The following ADAMTSL1 variants were observed in gnomAD, a reference collection of about 807,000 sequenced individuals.
ADAMTSL1 encodes ADAMTS like 1.
A neutral mutation model predicts 201.8 loss-of-function variants in ADAMTSL1; 126 were observed. That is an observed-to-expected ratio of 0.62 (90% CI 0.54 to 0.72). The LOEUF (loss-of-function observed/expected upper bound fraction) is 0.72. Among genes scored for constraint, ADAMTSL1 ranks in the 30% least tolerant of loss-of-function variants. The pLI is 0.00. For missense variants in ADAMTSL1, 2,679 were observed against 2,277.8 expected (o/e 1.18, Z -3.59); for synonymous variants, 1,121 against 903.4 (o/e 1.24, Z -4.32).
intron 22 of ADAMTSL1, 57 bp downstream of exon 22, chr9:18,826,520 C>A: frequency 6.4e-7 from 1 of 1,555,490 alleles, no homozygotes. Context: ...GACTATCTAA[C>A]CCACCCTCTA....
At chr9:17,910,865 C>T (rs1825886262) in intron 1 of ADAMTSL1, among the ~76,000 whole-genome samples, 1 of 68,652 alleles carries the variant, frequency 1.5e-5, no homozygotes, top group African/African-American at 2.9e-5. Flanking sequence ...ATTCTATGAT[C>T]GATAGCCAGT....
At chr9:18,789,763 G>A (rs1473976211) in intron 19 of ADAMTSL1, among the ~76,000 whole-genome samples, 1 of 152,082 alleles carries the variant, frequency 6.6e-6, no homozygotes, top group East Asian at 1.9e-4. Context: ...AGGAGGAGGA[G>A]CCTGTCTTTA....
At chr9:18,409,402 AAAG>A (rs1376358183) in intron 2 of ADAMTSL1, among the ~76,000 whole-genome samples, 1 of 150,282 alleles carries the variant, frequency 6.7e-6, no homozygotes, top group African/African-American at 2.4e-5. Context: ...AAAAAAAAAA[AAAG>A]AAAAAGAAAA....
chr9:18,177,681 G>C (rs1005760057), intron 2 of ADAMTSL1, among the ~76,000 whole-genome samples: 1 of 152,182 alleles, frequency 6.6e-6, no homozygotes, highest in Non-Finnish European at 1.5e-5. Context: ...AAGAGGAAAG[G>C]ACAAATGGAG....
intron 21 of ADAMTSL1, among the ~76,000 whole-genome samples, chr9:18,819,834 C>T (rs1824098951): frequency 6.6e-6 from 1 of 152,220 alleles, no homozygotes; most frequent in African/African-American, 2.4e-5. Flanking sequence ...AAAGAGCCTG[C>T]TTATAATTAC....
chr9:18,753,479 C>A lies in ADAMTSL1; in HGVS notation c.2188C>A (p.Pro730Thr). ...AGCTTGTAACCGCTTTAATTGCCCC[C>A]CAGCCTGGTACCCTGCACAGTGGCA... Reference protein sequence around the residue: ...VQACNRFNCPPAWYPAQWQPC... With the variant: ...VQACNRFNCPTAWYPAQWQPC... The change falls in exon 16 of 29, where the codon CCA (proline) becomes ACA (threonine). Residue 730 changes from proline (P) to threonine (T), a missense_variant. Transcript: ENST00000380548. 5.6e-6 allele frequency: 9 copies of A among 1,612,928 alleles called. No individual in the cohort carries two copies. The highest frequency in any genetic ancestry group is 7.6e-6 in the Non-Finnish European group (9 of 1,179,724).
At chr9:18,787,840 T>C (rs554048221) in intron 19 of ADAMTSL1, among the ~76,000 whole-genome samples, 1 of 152,240 alleles carries the variant, frequency 6.6e-6, no homozygotes, top group South Asian at 2.1e-4. Flanking sequence ...GGATAGGAAA[T>C]CCAGTCAGTC....
chr9:18,327,245 C>T (rs1425217384), intron 2 of ADAMTSL1, among the ~76,000 whole-genome samples: 1 of 152,198 alleles, frequency 6.6e-6, no homozygotes, highest in Admixed American at 6.5e-5. Flanking sequence ...TCAACTGAAA[C>T]ATAAATAGAA....
At chr9:18,298,056 T>C (rs376385916) in intron 2 of ADAMTSL1, among the ~76,000 whole-genome samples, 6 of 152,324 alleles carry the variant, frequency 3.9e-5, no homozygotes, top group Admixed American at 2.6e-4. Context: ...TGCTAACCCA[T>C]TGTTTGTCAA....
chr9:18,512,630 C>G (rs1225646352), intron 2 of ADAMTSL1, among the ~76,000 whole-genome samples: 2 of 152,060 alleles, frequency 1.3e-5, no homozygotes, highest in Non-Finnish European at 2.9e-5. Context: ...TATTAATTTG[C>G]CTCTGAGTTT....
At chr9:18,903,188 A>G (rs1830107476) in intron 26 of ADAMTSL1, among the ~76,000 whole-genome samples, 1 of 152,214 alleles carries the variant, frequency 6.6e-6, no homozygotes, top group Non-Finnish European at 1.5e-5. Context: ...ATTCTGTCTC[A>G]AAACAAAAAC....
chr9:18,326,887 GC>G (rs1251761647), intron 2 of ADAMTSL1, among the ~76,000 whole-genome samples: 1 of 152,154 alleles, frequency 6.6e-6, no homozygotes, highest in Non-Finnish European at 1.5e-5. Flanking sequence ...ATGACCTGTT[GC>G]TTGCAACTGG....
intron 13 of ADAMTSL1, 66 bp downstream of exon 13, chr9:18,684,866 A>C: frequency 6.5e-7 from 1 of 1,541,976 alleles, no homozygotes; most frequent in Non-Finnish European, 8.8e-7. Flanking sequence ...GCAGTGTCTC[A>C]CTGGTTGTAG....
intron 2 of ADAMTSL1, among the ~76,000 whole-genome samples, chr9:18,276,743 G>A (rs1832603551): frequency 6.6e-6 from 1 of 152,126 alleles, no homozygotes. Context: ...GAGGTGCCAA[G>A]TTATTTTAAA....
At chr9:18,875,797 T>G (rs546835662) in intron 23 of ADAMTSL1, among the ~76,000 whole-genome samples, 2 of 151,912 alleles carry the variant, frequency 1.3e-5, no homozygotes, top group African/African-American at 4.8e-5. Context: ...AGTTTATTGT[T>G]TCTTTGTTGA....
In ADAMTSL1 at chr9:18,777,173, G is replaced by T. The variant is rs375369185; in HGVS notation, c.2944G>T (p.Ala982Ser). ...CCCGAGAAGTGAGGAAGAGGTGCTTGCGGGGAGGAAGGGCGGCCCGAAGGA... is the reference window on the plus strand; with the variant it reads ...CCCGAGAAGTGAGGAAGAGGTGCTTTCGGGGAGGAAGGGCGGCCCGAAGGA... Reference protein sequence around the residue: ...LSPRSEEEVLAGRKGGPKEAL... With the variant: ...LSPRSEEEVLSGRKGGPKEAL... Residue 982 changes from alanine to serine, a missense_variant, in exon 19 of 29, where the codon GCG becomes TCG. Transcript: ENST00000380548. The T allele has an allele frequency of 6.2e-7, 1 of 1,612,946 alleles. No individual in the cohort carries two copies. Among genetic ancestry groups the T allele is most frequent in the Non-Finnish European group, 8.5e-7 (1 of 1,179,826 alleles).
chr9:17,909,263 C>G (rs1209233681), intron 1 of ADAMTSL1, among the ~76,000 whole-genome samples: 1 of 147,252 alleles, frequency 6.8e-6, no homozygotes, highest in Non-Finnish European at 1.5e-5. Flanking sequence ...TTCTCCCATT[C>G]TGTAGGTTGC....
rs1587998016 is a variant in ADAMTSL1, at chr9:18,728,401, T to G, written c.2006+6736T>G. ...GAAATGTCTTTATATAGACCGTTGG[T>G]TAACGTTAACTTTCTGCACAAATAT... On this transcript the variant is annotated intron_variant, in intron 15 of 28. Transcript: ENST00000380548. Among the ~76,000 whole-genome samples, 4 of 152,232 alleles carry G rather than the reference T, an allele frequency of 2.6e-5. No homozygotes were observed. The East Asian group carries it at 7.7e-4, about 29-fold the overall frequency.
chr9:18,818,161 C>T (rs1373327199), intron 21 of ADAMTSL1, among the ~76,000 whole-genome samples: 1 of 152,138 alleles, frequency 6.6e-6, no homozygotes, highest in African/African-American at 2.4e-5. Context: ...GTTTCACTGC[C>T]ACAATGGGAT....
Sources: gnomAD v4.1 joint callset for allele counts (sites outside exome capture counted in the v4.1 genomes callset) on GRCh38, gnomAD v4.1.1 for gene constraint, MANE v1.5 for transcripts, NCBI Gene and HGNC (gene_info 2026-07-23, HGNC 2026-07-21) for gene names.